Variants in PGM2L1 observed in about 807,000 individuals in gnomAD.
PGM2L1 encodes glucose 1,6-bisphosphate synthase.
In PGM2L1, 35 loss-of-function variants were observed where a neutral mutation model predicts 73.4. That is an observed-to-expected ratio of 0.48 (90% CI 0.36 to 0.63). The LOEUF (loss-of-function observed/expected upper bound fraction) is 0.63. Ranked by LOEUF, PGM2L1 falls within the 30% of genes least tolerant of loss-of-function variation. The pLI, the probability that PGM2L1 is intolerant of heterozygous loss-of-function variation, is 0.00. For synonymous variants in PGM2L1, 225 were observed against 253.8 expected, an observed-to-expected ratio of 0.89 and a Z score of 1.08; for missense variants, 570 against 742.0, an observed-to-expected ratio of 0.77 and a Z score of 2.69.
chr11:74,381,688 C>T (rs1862949032), intron 1 of PGM2L1, among the ~76,000 whole-genome samples: 1 of 150,028 alleles, frequency 6.7e-6, no homozygotes, highest in Non-Finnish European at 1.5e-5. Context: ...AAGTGATCCT[C>T]CTGCCTTGGC....
intron 13 of PGM2L1, 92 bp from the exon 14 acceptor site, chr11:74,336,846 A>C: frequency 2.5e-6 from 2 of 789,600 alleles, no homozygotes; most frequent in Non-Finnish European, 3.8e-6. Context: ...GTCCTGATGG[A>C]GTCATTAAAC....
chr11:74,334,291 T>G lies in PGM2L1; in HGVS notation c.*2361A>C, dbSNP rs958473559. On this transcript the variant is annotated 3_prime_UTR_variant, in exon 14 of 14. Transcript: ENST00000298198. ...CCGTTGATTCATTTTAGCTTCATTT[T>G]TGTTTATCAGTCACTGAAACACAGA... 6.6e-6 allele frequency: 1 copy of G among 152,224 alleles called. No homozygotes were observed. The highest frequency in any genetic ancestry group is 1.5e-5 in the Non-Finnish European group (1 of 68,042). 9.4% of individuals were successfully genotyped at this position (152,224 alleles called of 1,614,324 possible). A position where few individuals can be genotyped will look rare whatever the true frequency, so the allele number is the denominator to read the frequency against.
intron 1 of PGM2L1, among the ~76,000 whole-genome samples, chr11:74,378,628 T>C (rs1862892449): frequency 6.6e-6 from 1 of 152,228 alleles, no homozygotes; most frequent in Admixed American, 6.5e-5. Context: ...CTTTAGGTTC[T>C]AATCCTATGG....
intron 1 of PGM2L1, among the ~76,000 whole-genome samples, chr11:74,395,473 G>A (rs1863158367): frequency 6.8e-6 from 1 of 147,594 alleles, no homozygotes; most frequent in Non-Finnish European, 1.5e-5. Flanking sequence ...TGCAACCTCC[G>A]CCTCCCAAGT....
At chr11:74,361,066 G>A (rs148451069) in intron 5 of PGM2L1, among the ~76,000 whole-genome samples, 238 of 152,280 alleles carry the variant, frequency 1.6e-3, no homozygotes, top group African/African-American at 5.1e-3. Flanking sequence ...CTCCCAGCAC[G>A]GAGTTTGAGA....
chr11:74,341,730 A>G (rs1862185935), intron 12 of PGM2L1, among the ~76,000 whole-genome samples: 1 of 148,630 alleles, frequency 6.7e-6, no homozygotes, highest in Non-Finnish European at 1.5e-5. Context: ...AAGCAATTTT[A>G]TCAGAGCCAC....
intron 5 of PGM2L1, among the ~76,000 whole-genome samples, chr11:74,362,079 T>C (rs1213372690): frequency 6.6e-6 from 1 of 152,016 alleles, no homozygotes; most frequent in Non-Finnish European, 1.5e-5. Context: ...GAAGAGCAAC[T>C]CCAAGACACA....
rs571751980 is a variant in PGM2L1, at chr11:74,334,422, A to G, written c.*2230T>C. The G allele has an allele frequency of 2.0e-5, 3 of 152,370 alleles. No homozygotes were observed. The East Asian group carries it at 5.8e-4, about 29-fold the overall frequency. 9.4% of individuals were successfully genotyped at this position (152,370 alleles called of 1,614,324 possible). ...CTACATTCTTAAAAGCATATAAAAC[A>G]AAAGATGTTTTACACATTTTAAAAA... is the stretch of plus-strand genomic sequence containing the variant. On this transcript the variant is annotated 3_prime_UTR_variant, in exon 14 of 14. Coordinates refer to ENST00000298198, the MANE Select transcript of PGM2L1 (RefSeq NM_173582.6).
chr11:74,347,746 G>T (rs1862291281), intron 6 of PGM2L1, among the ~76,000 whole-genome samples: 1 of 152,092 alleles, frequency 6.6e-6, no homozygotes, highest in African/African-American at 2.4e-5. Flanking sequence ...CTTCTTATAT[G>T]TCAGTCTGGC....
intron 2 of PGM2L1, 46 bp from the exon 3 acceptor site, chr11:74,371,863 T>C: frequency 7.0e-7 from 1 of 1,427,570 alleles, no homozygotes; most frequent in South Asian, 1.1e-5. Flanking sequence ...GATGCTTGCA[T>C]TTCATATGAC....
At chr11:74,367,095 A>T (rs556733755) in intron 5 of PGM2L1, among the ~76,000 whole-genome samples, 3 of 152,144 alleles carry the variant, frequency 2.0e-5, no homozygotes, top group Non-Finnish European at 2.9e-5. Flanking sequence ...ATGTTAGGGA[A>T]AGGAAGTAAT....
intron 5 of PGM2L1, among the ~76,000 whole-genome samples, chr11:74,363,751 A>G (rs1002990690): frequency 5.3e-5 from 8 of 152,228 alleles, no homozygotes; most frequent in African/African-American, 1.9e-4. Context: ...GTCCAGGACC[A>G]GACGGATTCA....
chr11:74,340,491 A>T (rs1862166731), intron 12 of PGM2L1, among the ~76,000 whole-genome samples: 1 of 152,210 alleles, frequency 6.6e-6, no homozygotes, highest in Non-Finnish European at 1.5e-5. Flanking sequence ...AAAATGGAAT[A>T]TGGGTACTAT....
intron 9 of PGM2L1, among the ~76,000 whole-genome samples, chr11:74,344,978 G>A (rs1591167403): frequency 1.3e-5 from 2 of 152,166 alleles, no homozygotes; most frequent in Non-Finnish European, 2.9e-5. Flanking sequence ...TCAGCTTAAG[G>A]GTCTTAAGGT....
Position 74,334,198 on chromosome 11 carries a change from C to T in PGM2L1, c.*2454G>A, listed in dbSNP as rs1275815815. 1 of 152,162 alleles carries T rather than the reference C, an allele frequency of 6.6e-6. No individual in the cohort carries two copies. The highest frequency in any genetic ancestry group is 1.5e-5 in the Non-Finnish European group (1 of 68,032). The allele number at this position is 152,162 out of a possible 1,614,324, so 9.4% of individuals were successfully genotyped here. ...TTAAATGTTGCATTATATTAAAGCA[C>T]TCAAATAAAACTGTTTTCTTCATAA... On this transcript the variant is annotated 3_prime_UTR_variant, in exon 14 of 14. Transcript: ENST00000298198.
At chr11:74,389,679 A>T (rs1383332022) in intron 1 of PGM2L1, among the ~76,000 whole-genome samples, 3 of 150,984 alleles carry the variant, frequency 2.0e-5, no homozygotes, top group Non-Finnish European at 4.4e-5. Flanking sequence ...CGAACTCCTG[A>T]CCTCAGGTGA....
chr11:74,387,281 A>G (rs1565446113), intron 1 of PGM2L1, among the ~76,000 whole-genome samples: 1 of 152,194 alleles, frequency 6.6e-6, no homozygotes, highest in Non-Finnish European at 1.5e-5. Flanking sequence ...CCCAAAGGGC[A>G]AAGGAGTTTG....
At chr11:74,360,847 C>G (rs11236073) in intron 5 of PGM2L1, among the ~76,000 whole-genome samples, 1 of 151,902 alleles carries the variant, frequency 6.6e-6, no homozygotes, top group East Asian at 1.9e-4. Context: ...GCAGTGAGGC[C>G]GGGGGAGGGG....
At chr11:74,380,282 T>G (rs1862918659) in intron 1 of PGM2L1, among the ~76,000 whole-genome samples, 1 of 152,182 alleles carries the variant, frequency 6.6e-6, no homozygotes, top group African/African-American at 2.4e-5. Flanking sequence ...AAGATCCAAG[T>G]CTAGAGTCTT....
Sources: allele counts gnomAD v4.1 joint callset (sites outside exome capture counted in the v4.1 genomes callset), GRCh38; gene constraint gnomAD v4.1.1; transcripts MANE v1.5; gene names NCBI Gene and HGNC (gene_info 2026-07-23, HGNC 2026-07-21).